GALNT9: variants seen among roughly 807,000 people sequenced by gnomAD.
GALNT9 encodes polypeptide N-acetylgalactosaminyltransferase 9, also known as GalNAc transferase 9.
Under a neutral mutation model 63.1 loss-of-function variants are expected in GALNT9, and 47 were observed. The ratio of observed to expected loss-of-function variants is 0.75; its 90% confidence interval spans 0.59 to 0.95. The LOEUF (loss-of-function observed/expected upper bound fraction) is 0.95. GALNT9 is among the 40% of genes least tolerant of loss of function. The pLI is 0.00. For synonymous variants in GALNT9, 396 were observed against 365.7 expected, an observed-to-expected ratio of 1.08 and a Z score of -0.94; for missense variants, 829 against 874.8, an observed-to-expected ratio of 0.95 and a Z score of 0.66.
At chr12:132,269,410 G>A (rs1879782308) in intron 2 of GALNT9, among the ~76,000 whole-genome samples, 2 of 152,196 alleles carry the variant, frequency 1.3e-5, no homozygotes. Flanking sequence ...AGGGGCAGGA[G>A]GTCAGCAGCG....
chr12:132,262,384 C>A, intron 3 of GALNT9, 75 bp downstream of exon 3: 1 of 1,488,914 alleles, frequency 6.7e-7, no homozygotes, highest in Non-Finnish European at 8.9e-7. Context: ...CCCCCGGAGG[C>A]TCCACCCAAC....
chr12:132,291,002 T>C (rs374055535), intron 1 of GALNT9, among the ~76,000 whole-genome samples: 2,570 of 12,008 alleles, frequency 0.21, 478 homozygotes, highest in Non-Finnish European at 0.28. Flanking sequence ...ACAACCACAG[T>C]GCCCACGTCC....
intron 2 of GALNT9, chr12:132,276,191 A>G (rs1880079830): frequency 6.5e-6 from 1 of 153,554 alleles, no homozygotes; most frequent in African/African-American, 2.4e-5. Flanking sequence ...CCTGGTGCTC[A>G]CCCAAGGGTC....
chr12:132,201,375 C>T (rs1314122071), intron 7 of GALNT9, 114 bp from the exon 8 acceptor site: 3 of 670,740 alleles, frequency 4.5e-6, no homozygotes, highest in African/African-American at 3.6e-5. Flanking sequence ...AGCAGCCTCC[C>T]CCCCAGTATT....
chr12:132,327,898 C>A lies in GALNT9; in HGVS notation c.238+1068G>T, dbSNP rs561165791. On this transcript the variant is annotated intron_variant, in intron 1 of 10. Transcript: ENST00000328957. This position sits in a 1 kb window ranked among gnomAD's most constrained non-coding sequence, Gnocchi z 4.3. ...ACGCAAGACCACCCCCCGCCTTTGC[C>A]CCCACACACAGCAGGCACATCCGGA... is the stretch of plus-strand genomic sequence containing the variant. Among the ~76,000 whole-genome samples the A allele has an allele frequency of 1.6e-3, 240 of 151,944 alleles. 1 individual carries two copies. Among genetic ancestry groups the A allele is most frequent in the African/African-American group, 5.4e-3 (223 of 41,426 alleles).
rs1364635145 is a variant in GALNT9 at position 132,246,567 on chromosome 12, C to T, written c.1077+1343G>A. 2.0e-5 allele frequency among the ~76,000 whole-genome samples: 3 copies of T among 152,208 alleles called. No individual in the cohort carries two copies. Among genetic ancestry groups the T allele is most frequent in the Non-Finnish European group, 4.4e-5 (3 of 68,040 alleles). ...ATATTTTTTGAAATGGAGTCTCACT[C>T]TGTCACCCAGGCTGGAGTGCAGTGA... On this transcript the variant is annotated intron_variant, in intron 6 of 10. Transcript: ENST00000328957. This position sits in a 1 kb window ranked among gnomAD's most constrained non-coding sequence, Gnocchi z 4.7.
In GALNT9 at chr12:132,329,420, GGGGCGCGGCCGGCATCCCCCGCTCAGA is replaced by G. The variant is rs1869201004; in HGVS notation, c.-244_-218del. The G allele has an allele frequency of 6.1e-6, 3 of 488,780 alleles. No individual in the cohort carries two copies. Among genetic ancestry groups the G allele is most frequent in the African/African-American group, 4.1e-5 (2 of 48,990 alleles). The allele number at this position is 488,780 out of a possible 1,614,324, so 30.3% of individuals were successfully genotyped here. The stretch of plus-strand genomic sequence containing the variant: ...GAGGGCTGCCCGGGGCTGGGGTCGC[GGGGCGCGGCCGGCATCCCCCGCTCAGA>G]GGGCGCGGCCCCGCCCCGGGGAGCG... On this transcript the variant is annotated 5_prime_UTR_variant, in exon 1 of 11. It removes an upstream start codon present in the reference 5' UTR. Transcript: ENST00000328957.
chr12:132,284,141 C>CCACGCACATGCACGCACACG (rs1880485679), intron 2 of GALNT9: 1 of 149,544 alleles, frequency 6.7e-6, no homozygotes, highest in Non-Finnish European at 1.5e-5. Flanking sequence ...GCACGCACAC[C>CCACGCACATGCACGCACACG]CACGCACATG....
Position 132,197,121 on chromosome 12 carries a change from G to A in GALNT9, c.1798C>T (p.His600Tyr), listed in dbSNP as rs770378040. ...QKWMIRNWIK[H>Y]ARH ...CGGAGGTGGGGTCAGTGCCGTGCGT[G>A]TTTGATCCAGTTTCTGATCATCCAC... The change falls in exon 11 of 11, where the codon CAC (histidine) becomes TAC (tyrosine). Residue 600 changes from histidine (H) to tyrosine (Y), a missense_variant. Transcript: ENST00000328957. The A allele has an allele frequency of 6.2e-7, 1 of 1,614,170 alleles. No homozygotes were observed. Among genetic ancestry groups the A allele is most frequent in the Non-Finnish European group, 8.5e-7 (1 of 1,180,022 alleles).
intron 6 of GALNT9, among the ~76,000 whole-genome samples, chr12:132,219,306 T>A (rs1274496635): frequency 6.6e-6 from 1 of 152,086 alleles, no homozygotes; most frequent in Non-Finnish European, 1.5e-5. Flanking sequence ...CATAGAACCC[T>A]CCCCTGCCGT....
At chr12:132,227,256 C>G (rs901910713) in intron 6 of GALNT9, among the ~76,000 whole-genome samples, 1 of 152,176 alleles carries the variant, frequency 6.6e-6, no homozygotes, top group African/African-American at 2.4e-5. Flanking sequence ...CTCCCCAGCT[C>G]GTCAGCAGAA....
chr12:132,213,275 G>A (rs1419540574), intron 6 of GALNT9, among the ~76,000 whole-genome samples: 1 of 57,684 alleles, frequency 1.7e-5, no homozygotes, highest in Non-Finnish European at 4.3e-5. Context: ...GCAGCCTTCA[G>A]ACCATGACAC....
intron 1 of GALNT9, among the ~76,000 whole-genome samples, chr12:132,304,437 CCGGG>C (rs2135577811): frequency 1.9e-5 from 1 of 53,808 alleles, no homozygotes. Context: ...ACAGCCTCGC[CCGGG>C]CACACCCTCG....
chr12:132,291,927 C>A (rs1315588313), intron 1 of GALNT9, among the ~76,000 whole-genome samples: 1 of 152,208 alleles, frequency 6.6e-6, no homozygotes, highest in South Asian at 2.1e-4. Context: ...CGGCTCCTCA[C>A]GGCAGCTGTG....
chr12:132,210,547 G>A (rs7957462), intron 6 of GALNT9, among the ~76,000 whole-genome samples: 109,363 of 152,018 alleles, frequency 0.72, 39,638 homozygotes, highest in Non-Finnish European at 0.75. Context: ...GGCTGGGGAC[G>A]GCTTCCTGAA....
At chr12:132,261,213 T>G in intron 3 of GALNT9, 91 bp from the exon 4 acceptor site, 1 of 1,521,034 alleles carries the variant, frequency 6.6e-7, no homozygotes, top group South Asian at 1.2e-5. Context: ...GTGCCGCGTG[T>G]GGGATGGGTG....
intron 6 of GALNT9, among the ~76,000 whole-genome samples, chr12:132,207,913 C>G (rs866154113): frequency 2.6e-5 from 4 of 152,252 alleles, no homozygotes; most frequent in Middle Eastern, 3.4e-3. Flanking sequence ...CAGCCCCCAC[C>G]CCCCACCACG....
At chr12:132,241,094 C>A (rs2136900711) in intron 6 of GALNT9, among the ~76,000 whole-genome samples, 2 of 43,652 alleles carry the variant, frequency 4.6e-5, no homozygotes, top group African/African-American at 8.3e-5. Flanking sequence ...TCCCGGGGCC[C>A]TCCCTATACC....
chr12:132,216,288 AAGACAGAG>A (rs113140771), intron 6 of GALNT9, among the ~76,000 whole-genome samples: 5 of 152,324 alleles, frequency 3.3e-5, no homozygotes, highest in South Asian at 2.1e-4. Context: ...CAAACAGAGG[AAGACAGAG>A]AGACAGAGAG....
Sources: allele counts gnomAD v4.1 joint callset (sites outside exome capture counted in the v4.1 genomes callset), GRCh38; gene constraint gnomAD v4.1.1; non-coding constraint Gnocchi (gnomAD v3.1); transcripts MANE v1.5; gene names NCBI Gene and HGNC (gene_info 2026-07-23, HGNC 2026-07-21).